Variants in DAPK2 observed in about 807,000 individuals in gnomAD.
DAPK2 encodes the protein death-associated protein kinase 2.
A neutral mutation model predicts 44.1 loss-of-function variants in DAPK2; 35 were observed. The ratio of observed to expected loss-of-function variants is 0.79; its 90% CI spans 0.61 to 1.05. The LOEUF (loss-of-function observed/expected upper bound fraction) is 1.05, where lower values mean the gene tolerates loss of function less well. Ranked by LOEUF, DAPK2 falls within the 50% of genes least tolerant of loss-of-function variation. DAPK2 has a pLI of 0.00. For missense variants in DAPK2, 453 were observed against 483.2 expected (o/e 0.94, Z 0.59); for synonymous variants, 174 against 182.6 (o/e 0.95, Z 0.38).
chr15:64,006,854 C>T (rs529755961), intron 1 of DAPK2, among the ~76,000 whole-genome samples: 1 of 152,272 alleles, frequency 6.6e-6, no homozygotes, highest in Non-Finnish European at 1.5e-5. Context: ...AGGCCAAGTA[C>T]AGATTACATC....
rs573814021 is a variant in DAPK2, at chr15:64,022,958, C to G, written c.92+17212G>C. ...GATGAGAAATGACTCTTTCCAAACT[C>G]CCTTAGGGTATCTCTGCCAGAAATT... On this transcript the variant is annotated intron_variant, in intron 1 of 10. Coordinates refer to ENST00000261891, the Ensembl canonical transcript of DAPK2. Among the ~76,000 whole-genome samples, 8 of 152,272 alleles carry G rather than the reference C, an allele frequency of 5.3e-5. No homozygotes were observed. The South Asian group carries it at 1.4e-3, about 28-fold the overall frequency.
chr15:64,036,032 G>T (rs6494460), intron 1 of DAPK2, among the ~76,000 whole-genome samples: 30,312 of 151,650 alleles, frequency 0.2, 3,109 homozygotes, highest in South Asian at 0.25. Flanking sequence ...TTATTTTTTG[G>T]GGGGAGGATC....
intron 3 of DAPK2, among the ~76,000 whole-genome samples, chr15:63,967,241 AC>A (rs2078079350): frequency 6.6e-6 from 1 of 152,132 alleles, no homozygotes; most frequent in Admixed American, 6.6e-5. Context: ...GTGACCTCTC[AC>A]CTGGTTTTTG....
upstream of DAPK2, among the ~76,000 whole-genome samples, chr15:64,044,835 C>T (rs1463740165): frequency 1.3e-5 from 2 of 152,300 alleles, no homozygotes; most frequent in East Asian, 1.9e-4. Flanking sequence ...AGCAAGAGGG[C>T]AGGCAATGGT....
chr15:63,918,009 A>G (rs1182312405), intron 8 of DAPK2: 2 of 152,188 alleles, frequency 1.3e-5, no homozygotes, highest in Non-Finnish European at 2.9e-5. Context: ...CCAGAGCACA[A>G]TCAGTGTTTG....
chr15:63,935,626 T>G (rs2077122453), intron 4 of DAPK2: 1 of 152,204 alleles, frequency 6.6e-6, no homozygotes, highest in South Asian at 2.1e-4. Context: ...TTTTTCTGCC[T>G]GGTATATATT....
intron 1 of DAPK2, among the ~76,000 whole-genome samples, chr15:64,023,968 G>A (rs1356247941): frequency 6.6e-6 from 1 of 152,166 alleles, no homozygotes; most frequent in Non-Finnish European, 1.5e-5. Flanking sequence ...GGGAGGTGCT[G>A]CAACAAGGAG....
At chr15:63,926,247 G>C in intron 6 of DAPK2, 154 bp from the exon 8 acceptor site, 1 of 694,912 alleles carries the variant, frequency 1.4e-6, no homozygotes, top group Non-Finnish European at 2.4e-6. Flanking sequence ...CCAGCAGCCT[G>C]TTCAGCTAAG....
intron 1 of DAPK2, among the ~76,000 whole-genome samples, chr15:64,010,669 G>A (rs1046358203): frequency 1.3e-5 from 2 of 152,074 alleles, no homozygotes; most frequent in Non-Finnish European, 2.9e-5. Flanking sequence ...TGCAGTTTTG[G>A]TCTCTCATTT....
chr15:64,025,327 G>C (rs1051306657), intron 1 of DAPK2, among the ~76,000 whole-genome samples: 2 of 152,208 alleles, frequency 1.3e-5, no homozygotes, highest in Non-Finnish European at 2.9e-5. Context: ...GCTTAGTGCA[G>C]GGCCAGGTAT....
intron 3 of DAPK2, 69 bp downstream of exon 4, chr15:63,971,354 A>G: frequency 6.4e-7 from 1 of 1,570,926 alleles, no homozygotes; most frequent in South Asian, 1.2e-5. Flanking sequence ...CCATCCTGGG[A>G]AAGACACCAG....
intron 6 of DAPK2, among the ~76,000 whole-genome samples, chr15:63,926,501 G>C (rs561776016): frequency 6.6e-6 from 1 of 152,280 alleles, no homozygotes; most frequent in Non-Finnish European, 1.5e-5. Flanking sequence ...GAAGAATAAA[G>C]AGGTTGTCAG....
chr15:63,942,090 TG>T, intron 3 of DAPK2: 1 of 422,746 alleles, frequency 2.4e-6, no homozygotes, highest in African/African-American at 2.2e-5. Flanking sequence ...ACACGCTGAA[TG>T]GGGGTGGGAG....
chr15:63,965,268 G>A (rs2078022583), intron 3 of DAPK2, among the ~76,000 whole-genome samples: 1 of 152,210 alleles, frequency 6.6e-6, no homozygotes. Context: ...TGGTTTAGGA[G>A]GCAGAGACTC....
intron 1 of DAPK2, among the ~76,000 whole-genome samples, chr15:64,034,012 C>T (rs1323379448): frequency 2.0e-5 from 3 of 152,072 alleles, no homozygotes; most frequent in East Asian, 3.9e-4. Flanking sequence ...TTACTTTATA[C>T]TCTTCATAAC....
intron 1 of DAPK2, among the ~76,000 whole-genome samples, chr15:64,035,911 A>G (rs1333884044): frequency 6.6e-6 from 1 of 152,116 alleles, no homozygotes; most frequent in African/African-American, 2.4e-5. Flanking sequence ...TTTCCATCCA[A>G]AGCTTTTCCT....
chr15:63,935,613 G>A (rs2140422512), intron 4 of DAPK2: 1 of 152,066 alleles, frequency 6.6e-6, no homozygotes, highest in East Asian at 1.9e-4. Context: ...TAAGATTTTT[G>A]TTTTTTTCTG....
At chr15:64,003,286 G>T (rs190179026) in intron 1 of DAPK2, among the ~76,000 whole-genome samples, 1 of 152,150 alleles carries the variant, frequency 6.6e-6, no homozygotes, top group South Asian at 2.1e-4. Flanking sequence ...CCTTTTCAGC[G>T]GCTGAGTGAG....
chr15:64,022,825 T>TTG (rs1384248314), intron 1 of DAPK2, among the ~76,000 whole-genome samples: 2 of 152,040 alleles, frequency 1.3e-5, no homozygotes, highest in African/African-American at 4.8e-5. Flanking sequence ...TGAAGAATAC[T>TTG]TGTGTGTGTG....
Sources: gnomAD v4.1 joint callset for allele counts (sites outside exome capture counted in the v4.1 genomes callset) on GRCh38, gnomAD v4.1.1 for gene constraint, MANE v1.5 for transcripts, NCBI Gene and HGNC (gene_info 2026-07-23, HGNC 2026-07-21) for gene names.